ROS1: variants seen among roughly 807,000 people sequenced by gnomAD.
ROS1 encodes ROS proto-oncogene 1, receptor tyrosine kinase, also known as proto-oncogene tyrosine-protein kinase ROS.
ROS1 carries 263 observed loss-of-function variants against 273.5 expected under a neutral mutation model. The ratio of observed to expected loss-of-function variants is 0.96; its 90% CI spans 0.87 to 1.06. The LOEUF is 1.06. Among genes scored for constraint, ROS1 ranks in the 50% least tolerant of loss-of-function variants. ROS1 has a pLI of 0.00. For synonymous variants in ROS1, 1,008 were observed against 954.1 expected (o/e 1.06, Z -1.04); for missense variants, 2,833 against 2,751.1 (o/e 1.03, Z -0.67).
chr6:117,425,459 T>C (rs920918165), intron 1 of ROS1, 75 bp downstream of exon 1: 9 of 1,412,256 alleles, frequency 6.4e-6, no homozygotes, highest in African/African-American at 1.5e-5. Context: ...GAGAAAACAA[T>C]TCTATCAGTT....
In ROS1 at chr6:117,360,376, T is replaced by A. The variant is rs184367407; in HGVS notation, c.3396A>T (p.Gly1132=). The part of the protein sequence containing the change: ...QVRAFTSKGP[G]PYADVVKSTT... ...TAGACTTTACAACGTCAGCATATGG[T>A]CCTGGCCCCTTAGATGTAAAGGCCC... Residue 1132 remains glycine, a synonymous_variant, in exon 23 of 44, where the codon GGA becomes GGT. Coordinates refer to ENST00000368507, the MANE Select transcript of ROS1 (RefSeq NM_001378902.1). 5 of 1,613,524 alleles carry A rather than the reference T, an allele frequency of 3.1e-6. No homozygotes were observed. The South Asian group carries it at 5.5e-5, about 18-fold the overall frequency.
chr6:117,412,593 TAGATAGATAGAC>T (rs1775001337), intron 4 of ROS1, among the ~76,000 whole-genome samples: 1 of 116,970 alleles, frequency 8.5e-6, no homozygotes, highest in South Asian at 3.3e-4. Flanking sequence ...GATAGGTACA[TAGATAGATAGAC>T]AGATAGATAG....
intron 15 of ROS1, 80 bp from the exon 16 acceptor site, chr6:117,385,941 A>C (rs1285392359): frequency 1.9e-6 from 2 of 1,061,120 alleles, no homozygotes. Flanking sequence ...TCACATCTGC[A>C]CCTCAACATA....
At chr6:117,309,988 TCA>T in intron 41 of ROS1, 91 bp downstream of exon 41, 2 of 1,116,390 alleles carry the variant, frequency 1.8e-6, no homozygotes, top group Non-Finnish European at 2.6e-6. Context: ...TTCTGTTTTC[TCA>T]CATTAAAAAA....
At chr6:117,381,439 G>T (rs983432803) in intron 17 of ROS1, among the ~76,000 whole-genome samples, 2 of 151,858 alleles carry the variant, frequency 1.3e-5, no homozygotes, top group African/African-American at 2.4e-5. Context: ...TACTCTGTAT[G>T]CTTTTGCATA....
intron 9 of ROS1, 33 bp downstream of exon 9, chr6:117,396,155 C>T (rs766148463): frequency 3.2e-6 from 5 of 1,575,578 alleles, no homozygotes; most frequent in Non-Finnish European, 3.5e-6. Flanking sequence ...ACCCTCATTC[C>T]TGTGTAGCTA....
chr6:117,369,743 A>G lies in ROS1; in HGVS notation c.2583-3453T>C, dbSNP rs1394649647. Among the ~76,000 whole-genome samples the G allele has an allele frequency of 2.6e-5, 4 of 152,172 alleles. No homozygotes were observed. In the South Asian group the frequency reaches 8.3e-4, roughly 32 times the overall value. ...TAAGTTCCTAAGGAAAGGAATAATCAGTTTTCTCTGATTCACAGGTAGGAA... is the reference window on the plus strand; with the variant it reads ...TAAGTTCCTAAGGAAAGGAATAATCGGTTTTCTCTGATTCACAGGTAGGAA... On this transcript the variant is annotated intron_variant, in intron 18 of 43. Transcript: ENST00000368507.
At chr6:117,353,904 C>G (rs538991302) in intron 26 of ROS1, among the ~76,000 whole-genome samples, 2 of 152,234 alleles carry the variant, frequency 1.3e-5, no homozygotes, top group South Asian at 4.2e-4. Flanking sequence ...CCTTCACTGA[C>G]AAGAACACAT....
At chr6:117,381,620 A>G (rs1772154683) in intron 17 of ROS1, among the ~76,000 whole-genome samples, 1 of 151,762 alleles carries the variant, frequency 6.6e-6, no homozygotes, top group African/African-American at 2.4e-5. Flanking sequence ...TTTATACCAC[A>G]TTTTCTTTAT....
chr6:117,336,239 G>T (rs1161016730), intron 32 of ROS1, among the ~76,000 whole-genome samples: 2 of 151,960 alleles, frequency 1.3e-5, no homozygotes, highest in Non-Finnish European at 2.9e-5. Context: ...CATGTCCCAT[G>T]GTGGTTTACT....
At position 117,340,528 on chromosome 6, in the gene ROS1, A is replaced by G. The variant is rs1050484365; in HGVS notation, c.5061+607T>C. On this transcript the variant is annotated intron_variant, in intron 31 of 43. Coordinates refer to ENST00000368507, the MANE Select transcript of ROS1 (RefSeq NM_001378902.1). ...AGCAATTATAAAAAATTAATAATCA[A>G]TTTTGAGTTTATCACCATAAAAGTC... Among the ~76,000 whole-genome samples, 4 of 152,300 alleles carry G rather than the reference A, an allele frequency of 2.6e-5. No individual in the cohort carries two copies. The South Asian group carries it at 8.3e-4, about 32-fold the overall frequency.
intron 33 of ROS1, among the ~76,000 whole-genome samples, chr6:117,328,133 A>G (rs922207123): frequency 3.9e-5 from 6 of 152,192 alleles, no homozygotes; most frequent in Admixed American, 2.0e-4. Flanking sequence ...AAGTTCATGC[A>G]CTTTGCACTT....
intron 42 of ROS1, among the ~76,000 whole-genome samples, chr6:117,305,181 G>T (rs1775012275): frequency 6.6e-6 from 1 of 152,058 alleles, no homozygotes; most frequent in Admixed American, 6.6e-5. Context: ...GCATCCACTG[G>T]GGGCCTTGGA....
chr6:117,356,809 G>T lies in ROS1; in HGVS notation c.3946C>A (p.Gln1316Lys). 1 of 1,614,124 alleles carries T rather than the reference G, an allele frequency of 6.2e-7. No homozygotes were observed. Among genetic ancestry groups the T allele is most frequent in the East Asian group, 2.2e-5 (1 of 44,876 alleles). The change falls in exon 26 of 44, where the codon CAA becomes AAA. Residue 1316 changes from glutamine (Q) to lysine (K), a missense_variant. Transcript: ENST00000368507. Reference sequence around the variant, plus strand: ...CAAGAACATTGATTCCTTTTGTTTTGTTGGTTTGTAGCTGTGGGTTGCAGA... The same window carrying T: ...CAAGAACATTGATTCCTTTTGTTTTTTTGGTTTGTAGCTGTGGGTTGCAGA... ...RILQPTATNQ[Q>K]NKRNQCSCNV...
chr6:117,378,855 CT>C (rs1771880748), intron 18 of ROS1, among the ~76,000 whole-genome samples: 1 of 152,184 alleles, frequency 6.6e-6, no homozygotes, highest in South Asian at 2.1e-4. Flanking sequence ...CTATACTGTA[CT>C]CTCTTCATAC....
intron 40 of ROS1, among the ~76,000 whole-genome samples, chr6:117,310,489 T>C (rs1038633533): frequency 1.3e-5 from 2 of 151,974 alleles, no homozygotes; most frequent in Non-Finnish European, 2.9e-5. Flanking sequence ...ACCTGTCATC[T>C]AGATTTTAAG....
At chr6:117,337,636 A>G (rs1744217740) in intron 31 of ROS1, among the ~76,000 whole-genome samples, 1 of 152,158 alleles carries the variant, frequency 6.6e-6, no homozygotes, top group Non-Finnish European at 1.5e-5. Flanking sequence ...TTGTTATCCC[A>G]AAGGGTAGAT....
chr6:117,303,499 C>T (rs997121208), intron 42 of ROS1, among the ~76,000 whole-genome samples: 8 of 151,992 alleles, frequency 5.3e-5, no homozygotes, highest in Admixed American at 1.3e-4. Context: ...GTGTAAAGTC[C>T]TAAATTTGGA....
intron 18 of ROS1, among the ~76,000 whole-genome samples, chr6:117,370,621 CTA>C (rs1780690716): frequency 6.6e-6 from 1 of 151,776 alleles, no homozygotes; most frequent in Admixed American, 6.6e-5. Flanking sequence ...ACGAAGAACA[CTA>C]AGAGTAGGAT....
Sources: gnomAD v4.1 joint callset for allele counts (sites outside exome capture counted in the v4.1 genomes callset) on GRCh38, gnomAD v4.1.1 for gene constraint, MANE v1.5 for transcripts, NCBI Gene and HGNC (gene_info 2026-07-23, HGNC 2026-07-21) for gene names.